LMO7: variants seen among roughly 807,000 people sequenced by gnomAD.
LMO7 encodes the protein LIM domain only protein 7.
Under a neutral mutation model 206.5 loss-of-function variants are expected in LMO7, and 120 were observed. The observed-to-expected ratio is 0.58, with a 90% CI of 0.50 to 0.68. The LOEUF is 0.68. Among genes scored for constraint, LMO7 ranks in the 30% least tolerant of loss-of-function variants. The probability of loss-of-function intolerance (pLI) is 0.00; values close to 1 mark genes in which losing one functional copy is unlikely to be tolerated. For synonymous variants in LMO7, 706 were observed against 681.5 expected (o/e 1.04, Z -0.56); for missense variants, 1,959 against 1,957.9 (o/e 1.00, Z -0.01).
intron 3 of LMO7, among the ~76,000 whole-genome samples, chr13:75,745,602 G>T (rs2046772624): frequency 2.0e-5 from 3 of 152,164 alleles, no homozygotes; most frequent in Non-Finnish European, 2.9e-5. Context: ...ATTATTCCGG[G>T]TGTGTTTGTG....
intron 25 of LMO7, among the ~76,000 whole-genome samples, chr13:75,844,449 G>A (rs9573668): frequency 0.05 from 7,458 of 148,402 alleles, 266 homozygotes; most frequent in African/African-American, 0.1. Flanking sequence ...TCGCTCTGTC[G>A]CCCAGGCTGG....
At chr13:75,690,471 G>A (rs1180824690) in intron 1 of LMO7, among the ~76,000 whole-genome samples, 2 of 150,688 alleles carry the variant, frequency 1.3e-5, no homozygotes, top group African/African-American at 2.5e-5. Context: ...ATTTGTATCT[G>A]TCTGAGTACT....
intron 11 of LMO7, among the ~76,000 whole-genome samples, chr13:75,811,726 T>C (rs2056421839): frequency 6.6e-6 from 1 of 152,232 alleles, no homozygotes; most frequent in African/African-American, 2.4e-5. Context: ...CTATGTGCTT[T>C]CGTCTTGCAT....
chr13:75,791,093 A>C (rs1382171723), intron 4 of LMO7, among the ~76,000 whole-genome samples: 1 of 151,386 alleles, frequency 6.6e-6, no homozygotes, highest in Non-Finnish European at 1.5e-5. Context: ...TTTTTAATGC[A>C]GATTTGGATT....
In LMO7 at chr13:75,842,030, C is replaced by G. The variant is rs748099255; in HGVS notation, c.4031+47C>G. The G allele has an allele frequency of 4.9e-6, 7 of 1,435,268 alleles. No individual in the cohort carries two copies. In the East Asian group the frequency reaches 1.6e-4, roughly 33 times the overall value. 88.9% of individuals were successfully genotyped at this position (1,435,268 alleles called of 1,614,324 possible). On this transcript the variant is annotated intron_variant, in intron 24 of 30. Coordinates refer to ENST00000377534, the MANE Select transcript of LMO7 (RefSeq NM_001306080.2). ...GTACAAAGGCTTAGCTGTATCCATTCCCCACTTCAAAGGCACCCGCTTGCT... is the reference window on the plus strand; with the variant it reads ...GTACAAAGGCTTAGCTGTATCCATTGCCCACTTCAAAGGCACCCGCTTGCT...
At chr13:75,686,526 CTT>C (rs3036372) in intron 1 of LMO7, among the ~76,000 whole-genome samples, 15 of 135,786 alleles carry the variant, frequency 1.1e-4, no homozygotes, top group Middle Eastern at 3.8e-3. Flanking sequence ...CCTATCTTAC[CTT>C]TTTTTTTTTT....
At chr13:75,655,030 C>T (rs956008273) in intron 1 of LMO7, among the ~76,000 whole-genome samples, 2 of 151,978 alleles carry the variant, frequency 1.3e-5, no homozygotes, top group Admixed American at 1.3e-4. Context: ...GTCACCACGC[C>T]CGGCTAATTT....
At chr13:75,657,801 C>T (rs576390157) in intron 1 of LMO7, among the ~76,000 whole-genome samples, 1 of 152,174 alleles carries the variant, frequency 6.6e-6, no homozygotes, top group Admixed American at 6.5e-5. Flanking sequence ...TTCCAAATAT[C>T]TTCTCTAAGG....
intron 4 of LMO7, among the ~76,000 whole-genome samples, chr13:75,772,337 A>G (rs1466125681): frequency 6.6e-6 from 1 of 152,154 alleles, no homozygotes; most frequent in East Asian, 1.9e-4. Context: ...CCTTTAAATA[A>G]CTAGTAGATG....
At chr13:75,626,569 C>T (rs1208526202) in intron 2 of LMO7, among the ~76,000 whole-genome samples, 3 of 86,926 alleles carry the variant, frequency 3.5e-5, no homozygotes, top group African/African-American at 1.4e-4. Context: ...ACCCTCTTAA[C>T]ATATATATTA....
chr13:75,793,869 A>T (rs1207839042), intron 4 of LMO7, among the ~76,000 whole-genome samples: 1 of 151,934 alleles, frequency 6.6e-6, no homozygotes, highest in Admixed American at 6.6e-5. Context: ...TTCTAACAGC[A>T]TTTTTTTATT....
In LMO7 at chr13:75,636,582, G is replaced by A; in HGVS notation, c.-76G>A. The A allele has an allele frequency of 2.6e-6, 4 of 1,539,548 alleles. No homozygotes were observed. The highest frequency in any genetic ancestry group is 3.5e-6 in the Non-Finnish European group (4 of 1,146,226). Reference sequence around the variant, plus strand: ...GGAGGCCCGCGTGCCCTCCCCGCCCGTGGGGCCCAGACGCGCGGGGACAAC... The same window carrying A: ...GGAGGCCCGCGTGCCCTCCCCGCCCATGGGGCCCAGACGCGCGGGGACAAC... On this transcript the variant is annotated 5_prime_UTR_variant, in exon 1 of 31. It adds an upstream start codon to the 5' untranslated region. Transcript: ENST00000377534.
At chr13:75,689,980 AC>A (rs1555294904) in intron 1 of LMO7, among the ~76,000 whole-genome samples, 2 of 151,384 alleles carry the variant, frequency 1.3e-5, no homozygotes, top group Non-Finnish European at 2.9e-5. Context: ...TGACTAATAC[AC>A]TTATTCCTCT....
chr13:75,749,515 G>A (rs2047111136), intron 3 of LMO7, among the ~76,000 whole-genome samples: 2 of 152,170 alleles, frequency 1.3e-5, no homozygotes, highest in South Asian at 4.1e-4. Context: ...ACTGCTTTAT[G>A]TAGTTAATTG....
chr13:75,699,592 C>T (rs887806048), intron 1 of LMO7, among the ~76,000 whole-genome samples: 8 of 151,418 alleles, frequency 5.3e-5, no homozygotes, highest in East Asian at 1.9e-4. Flanking sequence ...AAAACCAACA[C>T]GTCTTTATTA....
chr13:75,718,017 A>G (rs759455436), intron 2 of LMO7, among the ~76,000 whole-genome samples: 1 of 152,256 alleles, frequency 6.6e-6, no homozygotes, highest in Non-Finnish European at 1.5e-5. Context: ...TAGCCCAGCA[A>G]TAGGCAAACA....
intron 1 of LMO7, among the ~76,000 whole-genome samples, chr13:75,637,058 G>T (rs2035978409): frequency 6.6e-6 from 1 of 152,178 alleles, no homozygotes. Flanking sequence ...GTCTCTGCGG[G>T]GCACAGCCCA....
chr13:75,834,599 A>G (rs1380998399), intron 17 of LMO7, among the ~76,000 whole-genome samples: 3 of 152,208 alleles, frequency 2.0e-5, no homozygotes, highest in South Asian at 2.1e-4. Flanking sequence ...ATTCTACATT[A>G]TTTATTGACT....
chr13:75,843,048 T>G, intron 25 of LMO7, 132 bp downstream of exon 25: 1 of 652,632 alleles, frequency 1.5e-6, no homozygotes, highest in Middle Eastern at 3.2e-4. Flanking sequence ...AATTGCTGGT[T>G]GATCTTTGTA....
Sources: allele counts gnomAD v4.1 joint callset (sites outside exome capture counted in the v4.1 genomes callset), GRCh38; gene constraint gnomAD v4.1.1; transcripts MANE v1.5; gene names NCBI Gene and HGNC (gene_info 2026-07-23, HGNC 2026-07-21).